Variants in MCTP2 observed in about 807,000 individuals in gnomAD.
MCTP2 encodes the protein multiple C2 and transmembrane domain containing 2, also known as multiple C2 and transmembrane domain-containing protein 2.
In MCTP2, 132 loss-of-function variants were observed where a neutral mutation model predicts 111.6. The ratio of observed to expected loss-of-function variants is 1.18; its 90% CI spans 1.03 to 1.37. MCTP2 has a LOEUF of 1.37. Among genes scored for constraint, MCTP2 ranks in the 40% most tolerant of loss-of-function variants. The pLI is 0.00. For synonymous variants in MCTP2, 395 were observed against 387.7 expected, an observed-to-expected ratio of 1.02 and a Z score of -0.22; for missense variants, 1,183 against 1,067.9, an observed-to-expected ratio of 1.11 and a Z score of -1.50.
intron 1 of MCTP2, among the ~76,000 whole-genome samples, chr15:94,246,294 A>G (rs1250139462): frequency 6.6e-6 from 1 of 152,206 alleles, no homozygotes; most frequent in Non-Finnish European, 1.5e-5. Flanking sequence ...TCTACTATGT[A>G]GTAATTGTGT....
At chr15:94,455,102 G>A (rs559426983) in intron 19 of MCTP2, among the ~76,000 whole-genome samples, 105 of 152,338 alleles carry the variant, frequency 6.9e-4, no homozygotes, top group Admixed American at 1.4e-3. Context: ...GATTGCAGGC[G>A]TGAGCCACCA....
intron 20 of MCTP2, among the ~76,000 whole-genome samples, chr15:94,465,825 A>G (rs146832811): frequency 3.5e-4 from 53 of 152,266 alleles, no homozygotes; most frequent in African/African-American, 1.3e-3. Flanking sequence ...CACTCTTGCT[A>G]TTCTTTTAGT....
At chr15:94,387,976 G>A (rs1476269381) in intron 14 of MCTP2, among the ~76,000 whole-genome samples, 8 of 152,120 alleles carry the variant, frequency 5.3e-5, no homozygotes, top group East Asian at 1.9e-4. Context: ...AGCAATGGCC[G>A]GGCAGCCAGT....
chr15:94,250,544 G>T (rs910327657), intron 1 of MCTP2, among the ~76,000 whole-genome samples: 1 of 152,156 alleles, frequency 6.6e-6, no homozygotes, highest in African/African-American at 2.4e-5. Context: ...CTAACACCAT[G>T]AAATTACCTA....
At chr15:94,244,935 C>T (rs188023896) in intron 1 of MCTP2, among the ~76,000 whole-genome samples, 4 of 136,452 alleles carry the variant, frequency 2.9e-5, no homozygotes, top group African/African-American at 8.5e-5. Context: ...TATATGTATA[C>T]ACATACATAT....
At chr15:94,358,458 A>G in intron 9 of MCTP2, 24 bp from the exon 10 acceptor site, 1 of 1,594,200 alleles carries the variant, frequency 6.3e-7, no homozygotes, top group South Asian at 1.1e-5. Flanking sequence ...AAGAAAATAA[A>G]TATTATAACT....
chr15:94,449,266 C>G (rs939676868), intron 19 of MCTP2, among the ~76,000 whole-genome samples: 1 of 152,130 alleles, frequency 6.6e-6, no homozygotes, highest in Non-Finnish European at 1.5e-5. Flanking sequence ...AATTTGCAGG[C>G]TGCTTTTATG....
intron 10 of MCTP2, among the ~76,000 whole-genome samples, chr15:94,359,531 C>T (rs1469125713): frequency 6.6e-6 from 1 of 152,142 alleles, no homozygotes; most frequent in African/African-American, 2.4e-5. Flanking sequence ...GCCTTAAGGT[C>T]ACCCCTTGAG....
In MCTP2 at chr15:94,476,770, A is replaced by G. The variant is rs761525703; in HGVS notation, c.2545A>G (p.Arg849Gly). 1.9e-6 allele frequency: 3 copies of G among 1,604,256 alleles called. No homozygotes were observed. Among genetic ancestry groups the G allele is most frequent in the South Asian group, 1.1e-5 (1 of 90,866 alleles). ...DNNELLDFLS[R>G]VPSDVQKVQY... Reference sequence around the variant, plus strand: ...TAATGAGCTACTAGACTTCCTCTCTAGGGTACCGTCTGATGTTCAAAAGGT... The same window carrying G: ...TAATGAGCTACTAGACTTCCTCTCTGGGGTACCGTCTGATGTTCAAAAGGT... Residue 849 changes from arginine to glycine, a missense_variant, in exon 22 of 23, where the codon AGG (arginine) becomes GGG (glycine). Coordinates refer to ENST00000357742, the MANE Select transcript of MCTP2 (RefSeq NM_001385001.1).
At chr15:94,233,335 CTT>C (rs1007457159) in intron 1 of MCTP2, among the ~76,000 whole-genome samples, 17 of 152,056 alleles carry the variant, frequency 1.1e-4, no homozygotes, top group African/African-American at 2.2e-4. Flanking sequence ...TATTATGTCT[CTT>C]AACATATTTT....
chr15:94,436,579 G>GC (rs1338370577), intron 17 of MCTP2, among the ~76,000 whole-genome samples: 4 of 152,116 alleles, frequency 2.6e-5, no homozygotes, highest in Non-Finnish European at 5.9e-5. Flanking sequence ...TTCTAGGATT[G>GC]CTTAAGTATT....
chr15:94,272,177 C>T (rs989423653), intron 1 of MCTP2, among the ~76,000 whole-genome samples: 2 of 152,088 alleles, frequency 1.3e-5, no homozygotes, highest in African/African-American at 4.8e-5. Flanking sequence ...AGTGAATTGC[C>T]TTCTCTTATA....
intron 1 of MCTP2, among the ~76,000 whole-genome samples, chr15:94,286,942 C>T (rs1200418514): frequency 6.6e-6 from 1 of 152,140 alleles, no homozygotes; most frequent in Non-Finnish European, 1.5e-5. Flanking sequence ...TGAAGAGATC[C>T]TGCTCTTCAA....
At chr15:94,249,459 ACAT>A (rs1351945878) in intron 1 of MCTP2, among the ~76,000 whole-genome samples, 1 of 151,700 alleles carries the variant, frequency 6.6e-6, no homozygotes, top group Admixed American at 6.6e-5. Context: ...CAAGTGAATG[ACAT>A]CATATTTCCC....
At position 94,298,559 on chromosome 15, in the gene MCTP2, G is replaced by A. The variant is rs760904125; in HGVS notation, c.294G>A (p.Gln98=). 6.2e-6 allele frequency: 10 copies of A among 1,614,040 alleles called. No homozygotes were observed. The Admixed American group carries it at 1.7e-4, about 27-fold the overall frequency. The change falls in exon 2 of 23, where the codon CAG becomes CAA. Residue 98 remains glutamine, a synonymous_variant. Coordinates refer to ENST00000357742, the MANE Select transcript of MCTP2 (RefSeq NM_001385001.1). ...AGAGCAGCAGTAGCTCCTTGAAACA[G>A]TCTGAAGAAGAATTGGATTGGAGCC... ...FPKSSSSSLK[Q]SEEELDWSQE...
At chr15:94,276,066 G>C (rs895808345) in intron 1 of MCTP2, among the ~76,000 whole-genome samples, 1 of 151,988 alleles carries the variant, frequency 6.6e-6, no homozygotes, top group Non-Finnish European at 1.5e-5. Context: ...GGATGGTCTT[G>C]ATCTCCTGAC....
chr15:94,298,867 T>G, intron 2 of MCTP2, 137 bp downstream of exon 2: 1 of 261,192 alleles, frequency 3.8e-6, no homozygotes, highest in Non-Finnish European at 6.3e-6. Flanking sequence ...CCTCCCTCTC[T>G]CTCTCCCCCT....
intron 17 of MCTP2, among the ~76,000 whole-genome samples, chr15:94,426,133 A>C (rs1380662392): frequency 2.9e-5 from 3 of 102,094 alleles, no homozygotes; most frequent in Non-Finnish European, 5.6e-5. Context: ...AGAGAGAGAG[A>C]GAGAGATTGA....
chr15:94,435,983 C>T (rs938451800), intron 17 of MCTP2, among the ~76,000 whole-genome samples: 23 of 152,170 alleles, frequency 1.5e-4, no homozygotes, highest in African/African-American at 5.1e-4. Flanking sequence ...TTTTATTAGA[C>T]TCAAAATGCA....
Sources: allele counts gnomAD v4.1 joint callset (sites outside exome capture counted in the v4.1 genomes callset), GRCh38; gene constraint gnomAD v4.1.1; transcripts MANE v1.5; gene names NCBI Gene and HGNC (gene_info 2026-07-23, HGNC 2026-07-21).